E2F6: variants seen among roughly 807,000 people sequenced by gnomAD.
The protein encoded by E2F6 is transcription factor E2F6.
E2F6 carries 19 observed loss-of-function variants against 31.5 expected under a neutral mutation model. The ratio of observed to expected loss-of-function variants is 0.60; its 90% CI spans 0.42 to 0.89. The LOEUF (loss-of-function observed/expected upper bound fraction) is 0.89. Among genes scored for constraint, E2F6 ranks in the 40% least tolerant of loss-of-function variants. The pLI is 0.00. For synonymous variants in E2F6, 121 were observed against 127.7 expected (o/e 0.95, Z 0.36); for missense variants, 269 against 341.6 (o/e 0.79, Z 1.67).
chr2:11,462,445 G>GTC (rs1201483966), intron 1 of E2F6, among the ~76,000 whole-genome samples: 6 of 152,160 alleles, frequency 3.9e-5, no homozygotes, highest in Non-Finnish European at 2.9e-5. Flanking sequence ...TGTGAATGTG[G>GTC]TCTCTCTCTC....
chr2:11,445,758 C>A lies in E2F6; in HGVS notation c.*719G>T, dbSNP rs528383811. 4.4e-4 allele frequency: 67 copies of A among 152,196 alleles called. No individual in the cohort carries two copies. Among genetic ancestry groups the A allele is most frequent in the Admixed American group, 1.2e-3 (18 of 15,282 alleles). The allele number at this position is 152,196 out of a possible 1,614,324, so 9.4% of individuals were successfully genotyped here. A position where few individuals can be genotyped will look rare whatever the true frequency, so the allele number is the denominator to read the frequency against. On this transcript the variant is annotated 3_prime_UTR_variant, in exon 7 of 7. Transcript: ENST00000381525. The stretch of plus-strand genomic sequence containing the variant: ...TAGACAGCTTAAAACCAAGAAGTAT[C>A]TGACTCCAATTTTAGCACTGAAAAC...
intron 5 of E2F6, among the ~76,000 whole-genome samples, chr2:11,449,204 G>C (rs1031273857): frequency 6.6e-6 from 1 of 152,222 alleles, no homozygotes; most frequent in African/African-American, 2.4e-5. Context: ...CATAACTTGA[G>C]TGTGACTGAG....
In E2F6 at chr2:11,466,123, G is replaced by C; in HGVS notation, c.-244C>G. Reference sequence around the variant, plus strand: ...GAGGAGGGAGACCCGCGGATCTCAAGTCGCCCGGCCCGCCATCTTCCCGCA... The same window carrying C: ...GAGGAGGGAGACCCGCGGATCTCAACTCGCCCGGCCCGCCATCTTCCCGCA... On this transcript the variant is annotated 5_prime_UTR_variant, in exon 1 of 7. Coordinates refer to ENST00000381525, the MANE Select transcript of E2F6 (RefSeq NM_198256.4). The C allele has an allele frequency of 2.1e-6, 1 of 471,734 alleles. No homozygotes were observed. Among genetic ancestry groups the C allele is most frequent in the African/African-American group, 2.1e-5 (1 of 48,348 alleles). The allele number at this position is 471,734 out of a possible 1,614,324, so 29.2% of individuals were successfully genotyped here.
chr2:11,451,290 T>C (rs1671046320), intron 4 of E2F6: 2 of 163,062 alleles, frequency 1.2e-5, no homozygotes, highest in Non-Finnish European at 2.6e-5. Flanking sequence ...CACACAGAAG[T>C]TAAAAAACCT....
intron 5 of E2F6, 47 bp from the exon 6 acceptor site, chr2:11,447,821 A>G (rs767708204): frequency 1.3e-5 from 20 of 1,578,866 alleles, no homozygotes; most frequent in Non-Finnish European, 1.7e-5. Context: ...ATAATAAATC[A>G]TATTTTTTCA....
intron 1 of E2F6, among the ~76,000 whole-genome samples, chr2:11,463,164 G>T (rs1671890451): frequency 6.6e-6 from 1 of 152,128 alleles, no homozygotes; most frequent in Non-Finnish European, 1.5e-5. Context: ...ATATACAGCT[G>T]ACCCTCAAAC....
At chr2:11,464,369 T>G (rs1338054711) in intron 1 of E2F6, among the ~76,000 whole-genome samples, 1 of 151,552 alleles carries the variant, frequency 6.6e-6, no homozygotes, top group Non-Finnish European at 1.5e-5. Context: ...AAAAAAAAAT[T>G]AGCCGTGCGT....
intron 3 of E2F6, among the ~76,000 whole-genome samples, chr2:11,452,608 GAAAAAAAA>G (rs1242625475): frequency 2.0e-5 from 2 of 101,192 alleles, no homozygotes; most frequent in African/African-American, 7.4e-5. Flanking sequence ...CGTCTCAAAA[GAAAAAAAA>G]AAAAAAGACA....
intron 2 of E2F6, among the ~76,000 whole-genome samples, chr2:11,454,350 CTCT>C (rs1671265988): frequency 2.0e-5 from 3 of 150,036 alleles, no homozygotes; most frequent in Admixed American, 1.3e-4. Flanking sequence ...TGGTATCTCT[CTCT>C]TTTTTTTTTT....
Position 11,455,134 on chromosome 2 carries a change from C to T in E2F6, c.164-1336G>A, listed in dbSNP as rs911308952. On this transcript the variant is annotated intron_variant, in intron 2 of 6. Coordinates refer to ENST00000381525, the MANE Select transcript of E2F6 (RefSeq NM_198256.4). Reference sequence around the variant, plus strand: ...GGTTCTATCCATTCTATGCAGTATACACGGGCCTCATCTCACATGCTCGCC... The same window carrying T: ...GGTTCTATCCATTCTATGCAGTATATACGGGCCTCATCTCACATGCTCGCC... Among the ~76,000 whole-genome samples the T allele has an allele frequency of 2.0e-5, 3 of 152,206 alleles. No homozygotes were observed. The East Asian group carries it at 5.8e-4, about 29-fold the overall frequency.
rs772518800 is a variant in E2F6, at chr2:11,451,823, A to G, written c.381-17T>C. On this transcript the variant is annotated splice_polypyrimidine_tract_variant and intron_variant, in intron 3 of 6. Transcript: ENST00000381525. ...TCAGATCCTCTTTAGAAGAAAAAAA[A>G]TGTCAGCATCAATACCAACTAGGAG... The G allele has an allele frequency of 6.2e-7, 1 of 1,601,134 alleles. No individual in the cohort carries two copies. The highest frequency in any genetic ancestry group is 1.1e-5 in the South Asian group (1 of 88,926).
At chr2:11,460,406 C>T (rs1320926871) in intron 1 of E2F6, among the ~76,000 whole-genome samples, 2 of 152,190 alleles carry the variant, frequency 1.3e-5, no homozygotes, top group Non-Finnish European at 2.9e-5. Flanking sequence ...CCCTCTTTCC[C>T]GTTTGTCCTT....
intron 1 of E2F6, among the ~76,000 whole-genome samples, chr2:11,464,581 G>A (rs1672015323): frequency 6.6e-6 from 1 of 151,620 alleles, no homozygotes; most frequent in Non-Finnish European, 1.5e-5. Flanking sequence ...GATGGGAGGG[G>A]ATATGGAATC....
At chr2:11,452,422 G>A (rs781310870) in intron 3 of E2F6, among the ~76,000 whole-genome samples, 10 of 152,064 alleles carry the variant, frequency 6.6e-5, no homozygotes, top group Non-Finnish European at 1.3e-4. Context: ...TGGCCAACAT[G>A]GTGAAACCCC....
chr2:11,446,155 A>G lies in E2F6; in HGVS notation c.*322T>C. The G allele has an allele frequency of 2.9e-6, 1 of 346,668 alleles. No individual in the cohort carries two copies. Among genetic ancestry groups the G allele is most frequent in the Non-Finnish European group, 5.3e-6 (1 of 188,794 alleles). 21.5% of individuals were successfully genotyped at this position (346,668 alleles called of 1,614,324 possible). A position where few individuals can be genotyped will look rare whatever the true frequency, so the allele number is the denominator to read the frequency against. On this transcript the variant is annotated 3_prime_UTR_variant, in exon 7 of 7. Transcript: ENST00000381525. ...ACATACTCCTTGAAGGGAAGGGTAG[A>G]GTCCACAAAGAACTGTCCATTTCAG...
intron 5 of E2F6, among the ~76,000 whole-genome samples, chr2:11,449,358 G>A (rs941920001): frequency 2.6e-5 from 4 of 152,168 alleles, no homozygotes; most frequent in Non-Finnish European, 4.4e-5. Flanking sequence ...GCAATGCAGA[G>A]GGCTGCACTG....
In E2F6 at chr2:11,447,542, G is replaced by A. The variant is rs550137850; in HGVS notation, c.799+85C>T. ...ACTCATGTTTTTGTGGCTAGGAAGAGTAAAAATATCTTAAGGCCATAATAC... is the reference window on the plus strand; with the variant it reads ...ACTCATGTTTTTGTGGCTAGGAAGAATAAAAATATCTTAAGGCCATAATAC... On this transcript the variant is annotated intron_variant, in intron 6 of 6. Transcript: ENST00000381525. The A allele has an allele frequency of 3.7e-3, 5,406 of 1,448,510 alleles. 12 individuals are homozygous for A. Among genetic ancestry groups the A allele is most frequent in the Non-Finnish European group, 4.7e-3 (5,032 of 1,062,758 alleles). The allele number at this position is 1,448,510 out of a possible 1,614,324, so 89.7% of individuals were successfully genotyped here. A position where few individuals can be genotyped will look rare whatever the true frequency, so the allele number is the denominator to read the frequency against.
chr2:11,464,389 T>C (rs560852892), intron 1 of E2F6, among the ~76,000 whole-genome samples: 13 of 151,304 alleles, frequency 8.6e-5, no homozygotes, highest in African/African-American at 2.2e-4. Context: ...TGGTGGCGGG[T>C]GCCTGTAGTC....
chr2:11,453,504 C>T (rs1671201311), intron 3 of E2F6, 78 bp downstream of exon 3: 2 of 1,296,998 alleles, frequency 1.5e-6, no homozygotes, highest in African/African-American at 1.5e-5. Flanking sequence ...CAAAACACTG[C>T]CACTATCTAG....
Sources: allele counts gnomAD v4.1 joint callset (sites outside exome capture counted in the v4.1 genomes callset), GRCh38; gene constraint gnomAD v4.1.1; transcripts MANE v1.5; gene names NCBI Gene and HGNC (gene_info 2026-07-23, HGNC 2026-07-21).